NRG1: variants seen among roughly 807,000 people sequenced by gnomAD.
NRG1 encodes pro-neuregulin-1, membrane-bound isoform.
In NRG1, 18 loss-of-function variants were observed where a neutral mutation model predicts 63.8. That is an observed-to-expected ratio of 0.28 (90% confidence interval 0.19 to 0.42). The LOEUF is 0.42. Ranked by LOEUF, NRG1 falls within the 10% of genes least tolerant of loss-of-function variation. The probability of loss-of-function intolerance (pLI) is 1.00; values close to 1 mark genes in which losing one functional copy is unlikely to be tolerated. For missense variants in NRG1, 762 were observed against 814.7 expected (o/e 0.94, Z 0.79); for synonymous variants, 302 against 301.3 (o/e 1.00, Z -0.02).
intron 1 of NRG1, among the ~76,000 whole-genome samples, chr8:31,858,309 AAAC>A (rs1284408856): frequency 3.9e-5 from 6 of 152,248 alleles, no homozygotes; most frequent in East Asian, 1.9e-4. Flanking sequence ...AAAAAAAAAA[AAAC>A]AAGTGAAGTT....
intron 1 of NRG1, among the ~76,000 whole-genome samples, chr8:32,066,072 G>A (rs1265424900): frequency 6.6e-6 from 1 of 152,222 alleles, no homozygotes; most frequent in African/African-American, 2.4e-5. Context: ...GTTCATTGTA[G>A]ATTCTGGATA....
chr8:31,998,324 T>C (rs1812360693), intron 1 of NRG1, among the ~76,000 whole-genome samples: 2 of 152,018 alleles, frequency 1.3e-5, no homozygotes, highest in African/African-American at 4.8e-5. Context: ...TATGTTCAAA[T>C]GCTGTGCTAA....
At chr8:31,819,567 C>G (rs1304402148) in intron 1 of NRG1, among the ~76,000 whole-genome samples, 2 of 152,114 alleles carry the variant, frequency 1.3e-5, no homozygotes, top group African/African-American at 4.8e-5. Flanking sequence ...ATATTTTCAA[C>G]CCCCTACACA....
At chr8:31,988,994 A>T (rs1242372616) in intron 1 of NRG1, among the ~76,000 whole-genome samples, 1 of 152,018 alleles carries the variant, frequency 6.6e-6, no homozygotes, top group African/African-American at 2.4e-5. Context: ...CATGCCTGTA[A>T]TCCCAGCACT....
chr8:31,779,735 C>A (rs942702874), intron 1 of NRG1, among the ~76,000 whole-genome samples: 4 of 152,152 alleles, frequency 2.6e-5, no homozygotes, highest in Non-Finnish European at 5.9e-5. Flanking sequence ...GACCCAAGTT[C>A]CTGTCCTGGA....
At chr8:32,237,523 G>A (rs978637932) in intron 1 of NRG1, among the ~76,000 whole-genome samples, 1 of 151,974 alleles carries the variant, frequency 6.6e-6, no homozygotes, top group Non-Finnish European at 1.5e-5. Context: ...TGGACTGCAA[G>A]GGCACACAAA....
At chr8:32,500,953 C>A (rs1827782094) in intron 1 of NRG1, among the ~76,000 whole-genome samples, 1 of 152,118 alleles carries the variant, frequency 6.6e-6, no homozygotes, top group Non-Finnish European at 1.5e-5. Flanking sequence ...TTCTGGAAAT[C>A]CTTACTGTGT....
chr8:32,195,391 C>T (rs373228806), intron 1 of NRG1, among the ~76,000 whole-genome samples: 6 of 149,276 alleles, frequency 4.0e-5, no homozygotes, highest in African/African-American at 1.2e-4. Flanking sequence ...GTTAGCATTG[C>T]TTGTGCCACT....
chr8:32,752,130 T>C (rs1375427719), intron 7 of NRG1, among the ~76,000 whole-genome samples: 3 of 152,098 alleles, frequency 2.0e-5, no homozygotes, highest in African/African-American at 7.2e-5. Flanking sequence ...ATACCTACAC[T>C]CCTATTTCTT....
At chr8:32,665,135 T>G (rs1345290836) in intron 5 of NRG1, among the ~76,000 whole-genome samples, 3 of 152,168 alleles carry the variant, frequency 2.0e-5, no homozygotes, top group Non-Finnish European at 4.4e-5. Context: ...TGTGTTCCCT[T>G]TAATAGGCAC....
chr8:31,808,853 G>A (rs892554841), intron 1 of NRG1, among the ~76,000 whole-genome samples: 1 of 151,976 alleles, frequency 6.6e-6, no homozygotes, highest in Non-Finnish European at 1.5e-5. Context: ...AACATAAGGT[G>A]TCTATTTTCT....
At chr8:31,998,672 C>T (rs756722952) in intron 1 of NRG1, among the ~76,000 whole-genome samples, 12 of 152,034 alleles carry the variant, frequency 7.9e-5, no homozygotes, top group African/African-American at 2.2e-4. Context: ...CTGTCCATGG[C>T]GTGAGAGTAA....
chr8:32,035,626 T>C (rs1818918398), intron 1 of NRG1, among the ~76,000 whole-genome samples: 2 of 152,336 alleles, frequency 1.3e-5, no homozygotes, highest in Admixed American at 1.3e-4. Context: ...TGCTCCTGTA[T>C]TGGGTGCATA....
At chr8:31,886,174 T>C (rs1486160613) in intron 1 of NRG1, among the ~76,000 whole-genome samples, 3 of 152,126 alleles carry the variant, frequency 2.0e-5, no homozygotes, top group South Asian at 2.1e-4. Flanking sequence ...TTAACATTAA[T>C]ATAACATTGC....
chr8:32,201,307 G>A (rs1039575551), intron 1 of NRG1, among the ~76,000 whole-genome samples: 1 of 152,154 alleles, frequency 6.6e-6, no homozygotes, highest in African/African-American at 2.4e-5. Flanking sequence ...GGTCAATGCA[G>A]CATATCAACC....
chr8:32,455,563 CA>C (rs1821496332), intron 1 of NRG1, among the ~76,000 whole-genome samples: 2 of 152,114 alleles, frequency 1.3e-5, no homozygotes, highest in South Asian at 4.1e-4. Flanking sequence ...AACAGTATAG[CA>C]GGCACAGCTT....
rs1830051327 is a variant in NRG1, at chr8:32,518,558, T to G, written c.38-77270T>G. On this transcript the variant is annotated intron_variant, in intron 1 of 10. Coordinates refer to the NRG1 transcript ENST00000519301. Reference sequence around the variant, plus strand: ...CAAAGAGTGACGACATGTGAAGATGTAAAAAAGAGGACTAGAGATGTCCTC... The same window carrying G: ...CAAAGAGTGACGACATGTGAAGATGGAAAAAAGAGGACTAGAGATGTCCTC... 1.3e-5 allele frequency among the ~76,000 whole-genome samples: 2 copies of G among 152,102 alleles called. 1 individual carries two copies. Among genetic ancestry groups the G allele is most frequent in the South Asian group, 4.2e-4 (2 of 4,818 alleles).
intron 1 of NRG1, among the ~76,000 whole-genome samples, chr8:32,082,989 A>C (rs1483421789): frequency 6.6e-6 from 1 of 152,138 alleles, no homozygotes; most frequent in Non-Finnish European, 1.5e-5. Context: ...TGAATAAATA[A>C]ATAAAAATGT....
At chr8:32,517,807 C>T (rs567348249) in intron 1 of NRG1, among the ~76,000 whole-genome samples, 2 of 152,278 alleles carry the variant, frequency 1.3e-5, no homozygotes, top group Admixed American at 6.5e-5. Context: ...CTTTAATTTG[C>T]AGTACTTTCC....
Sources: allele counts gnomAD v4.1 joint callset (sites outside exome capture counted in the v4.1 genomes callset), GRCh38; gene constraint gnomAD v4.1.1; transcripts MANE v1.5; gene names NCBI Gene and HGNC (gene_info 2026-07-23, HGNC 2026-07-21).